Variants in DNAJC6 observed in about 807,000 individuals in gnomAD.
DNAJC6 encodes DnaJ heat shock protein family (Hsp40) member C6.
Under a neutral mutation model 110.0 loss-of-function variants are expected in DNAJC6, and 34 were observed. That is an observed-to-expected ratio of 0.31 (90% CI 0.24 to 0.41). The LOEUF (loss-of-function observed/expected upper bound fraction) is 0.41. DNAJC6 is among the 10% of genes least tolerant of loss of function. The probability of loss-of-function intolerance (pLI) is 1.00; values close to 1 mark genes in which losing one functional copy is unlikely to be tolerated. For synonymous variants in DNAJC6, 406 were observed against 437.2 expected, an observed-to-expected ratio of 0.93 and a Z score of 0.89; for missense variants, 1,031 against 1,207.8, an observed-to-expected ratio of 0.85 and a Z score of 2.17.
chr1:65,305,321 A>G (rs1156636997), upstream of DNAJC6, among the ~76,000 whole-genome samples: 1 of 152,344 alleles, frequency 6.6e-6, no homozygotes, highest in African/African-American at 2.4e-5. Flanking sequence ...ATTCAAAAAC[A>G]TTTATAATCA....
At chr1:65,273,020 T>C (rs558497765) in intron 1 of DNAJC6, among the ~76,000 whole-genome samples, 8 of 152,358 alleles carry the variant, frequency 5.3e-5, no homozygotes, top group East Asian at 1.9e-4. Context: ...TTTTTATTTC[T>C]GATAGTGGCA....
At chr1:65,303,712 C>T (rs538073306) in intron 1 of DNAJC6, among the ~76,000 whole-genome samples, 1 of 152,218 alleles carries the variant, frequency 6.6e-6, no homozygotes, top group Admixed American at 6.5e-5. Context: ...GCACGTGGCA[C>T]CATGCCCAGC....
rs1414264362 is a variant in DNAJC6, at chr1:65,403,601, G to C, written c.2227+1721G>C. Among the ~76,000 whole-genome samples the C allele has an allele frequency of 3.3e-5, 5 of 152,162 alleles. No homozygotes were observed. The East Asian group carries it at 7.7e-4, about 23-fold the overall frequency. On this transcript the variant is annotated intron_variant, in intron 15 of 18. Transcript: ENST00000371069. Reference sequence around the variant, plus strand: ...CAAATGTAAAATATCCGCTACTGTAGGGGCTACACAAGATGGAGCATTTTT... The same window carrying C: ...CAAATGTAAAATATCCGCTACTGTACGGGCTACACAAGATGGAGCATTTTT...
intron 1 of DNAJC6, among the ~76,000 whole-genome samples, chr1:65,318,764 T>C (rs2101402804): frequency 6.6e-6 from 1 of 152,224 alleles, no homozygotes; most frequent in Admixed American, 6.5e-5. Flanking sequence ...CTGGGCTGAA[T>C]ACCTAGGTGA....
chr1:65,317,332 A>G (rs1250446620), intron 1 of DNAJC6, among the ~76,000 whole-genome samples: 1 of 152,260 alleles, frequency 6.6e-6, no homozygotes, highest in Non-Finnish European at 1.5e-5. Context: ...AGAGTAGCTC[A>G]GTATCTGAGG....
chr1:65,364,861 C>T, intron 2 of DNAJC6, 76 bp downstream of exon 2: 1 of 1,559,060 alleles, frequency 6.4e-7, no homozygotes, highest in Non-Finnish European at 8.7e-7. Flanking sequence ...GACTGCTTGT[C>T]TGGCTCAAAG....
At chr1:65,293,869 G>A (rs922982623) in intron 1 of DNAJC6, among the ~76,000 whole-genome samples, 11 of 152,090 alleles carry the variant, frequency 7.2e-5, no homozygotes, top group African/African-American at 2.7e-4. Context: ...TCAAACTTAT[G>A]TTCTATTAGT....
intron 5 of DNAJC6, 145 bp from the exon 6 acceptor site, chr1:65,384,048 C>A: frequency 9.2e-7 from 1 of 1,091,846 alleles, no homozygotes; most frequent in Non-Finnish European, 1.2e-6. Flanking sequence ...TTTTGGTTTT[C>A]AAGTGAATAA....
chr1:65,276,544 C>T (rs1031815756), intron 1 of DNAJC6, among the ~76,000 whole-genome samples: 21 of 152,132 alleles, frequency 1.4e-4, no homozygotes, highest in African/African-American at 4.6e-4. Context: ...TAATCCCAGG[C>T]CCCTAGGGAA....
chr1:65,266,278 G>GAAA (rs5774747), intron 1 of DNAJC6, among the ~76,000 whole-genome samples: 3 of 149,642 alleles, frequency 2.0e-5, no homozygotes, highest in Non-Finnish European at 3.0e-5. Flanking sequence ...GAAAAAGAAG[G>GAAA]AAAAAAAAAC....
chr1:65,344,972 G>A (rs927534691), intron 1 of DNAJC6, among the ~76,000 whole-genome samples: 11 of 152,148 alleles, frequency 7.2e-5, no homozygotes, highest in African/African-American at 2.7e-4. Flanking sequence ...GAGCCCTTGT[G>A]AGTTATGTTG....
intron 1 of DNAJC6, among the ~76,000 whole-genome samples, chr1:65,358,488 A>G (rs1473564206): frequency 6.6e-6 from 1 of 152,148 alleles, no homozygotes; most frequent in Non-Finnish European, 1.5e-5. Flanking sequence ...TGAAGATTAA[A>G]TGTGTTACTA....
chr1:65,287,879 C>T (rs1014770286), intron 1 of DNAJC6, among the ~76,000 whole-genome samples: 5 of 152,216 alleles, frequency 3.3e-5, no homozygotes, highest in African/African-American at 9.6e-5. Flanking sequence ...GTCGGGATAA[C>T]AGGCATGAGC....
intron 1 of DNAJC6, among the ~76,000 whole-genome samples, chr1:65,337,496 C>G (rs1465698543): frequency 3.9e-5 from 6 of 152,040 alleles, no homozygotes; most frequent in Admixed American, 3.9e-4. Flanking sequence ...CTCTCTTTCT[C>G]TTTTTCTCTT....
chr1:65,291,839 G>A (rs1644878849), intron 1 of DNAJC6, among the ~76,000 whole-genome samples: 1 of 152,124 alleles, frequency 6.6e-6, no homozygotes, highest in African/African-American at 2.4e-5. Flanking sequence ...CTAGTGGATA[G>A]TGGAGTGAGG....
intron 1 of DNAJC6, among the ~76,000 whole-genome samples, chr1:65,338,582 A>G (rs149950640): frequency 6.6e-6 from 1 of 152,292 alleles, no homozygotes; most frequent in East Asian, 1.9e-4. Flanking sequence ...TCAAATCTTT[A>G]AAGCAGGTTG....
chr1:65,340,713 G>A (rs1645381130), intron 1 of DNAJC6, among the ~76,000 whole-genome samples: 1 of 152,142 alleles, frequency 6.6e-6, no homozygotes, highest in Non-Finnish European at 1.5e-5. Context: ...GAAAAAAAGT[G>A]TCCAAAGAAT....
chr1:65,327,851 G>A (rs1645254489), intron 1 of DNAJC6, among the ~76,000 whole-genome samples: 2 of 152,002 alleles, frequency 1.3e-5, no homozygotes, highest in South Asian at 2.1e-4. Flanking sequence ...ACTAAGATAT[G>A]CCTATATAGT....
chr1:65,284,410 T>C (rs1445937332), intron 1 of DNAJC6, among the ~76,000 whole-genome samples: 1 of 152,210 alleles, frequency 6.6e-6, no homozygotes, highest in Non-Finnish European at 1.5e-5. Context: ...AGGAGTCTAT[T>C]TTCAGACTTC....
Sources: allele counts gnomAD v4.1 joint callset (sites outside exome capture counted in the v4.1 genomes callset), GRCh38; gene constraint gnomAD v4.1.1; transcripts MANE v1.5; gene names NCBI Gene and HGNC (gene_info 2026-07-23, HGNC 2026-07-21).